The following PARD3 variants were observed in gnomAD, a reference collection of about 807,000 sequenced individuals.
The protein encoded by PARD3 is par-3 family cell polarity regulator.
In PARD3, 75 loss-of-function variants were observed where a neutral mutation model predicts 155.4. The observed-to-expected ratio is 0.48, with a 90% confidence interval of 0.40 to 0.58. PARD3 has a LOEUF of 0.58. PARD3 is among the 20% of genes least tolerant of loss of function. The pLI is 0.00. For missense variants in PARD3, 1,642 were observed against 1,721.7 expected (o/e 0.95, Z 0.82); for synonymous variants, 576 against 610.5 (o/e 0.94, Z 0.83).
intron 22 of PARD3, among the ~76,000 whole-genome samples, chr10:34,174,227 A>G (rs1180761971): frequency 6.6e-6 from 1 of 152,218 alleles, no homozygotes; most frequent in Admixed American, 6.5e-5. Flanking sequence ...GAAAGATACT[A>G]CCATCATAAA....
intron 22 of PARD3, among the ~76,000 whole-genome samples, chr10:34,138,841 C>T (rs1753584): frequency 0.49 from 74,060 of 151,762 alleles, 19,527 homozygotes; most frequent in Non-Finnish European, 0.6. Context: ...CACACCTGCA[C>T]TTGGCATCCA....
At chr10:34,495,236 C>T (rs1477864486) in intron 3 of PARD3, among the ~76,000 whole-genome samples, 4 of 151,974 alleles carry the variant, frequency 2.6e-5, no homozygotes, top group East Asian at 1.9e-4. Flanking sequence ...GTTCTGGCAT[C>T]CTACTGCAGA....
At chr10:34,307,433 G>C (rs901217118) in intron 20 of PARD3, among the ~76,000 whole-genome samples, 1 of 152,234 alleles carries the variant, frequency 6.6e-6, no homozygotes, top group Non-Finnish European at 1.5e-5. Context: ...GCTGCCTCTC[G>C]ACCTGAAATG....
chr10:34,529,396 T>G (rs2082687429), intron 2 of PARD3, among the ~76,000 whole-genome samples: 2 of 152,336 alleles, frequency 1.3e-5, no homozygotes, highest in South Asian at 2.1e-4. Flanking sequence ...TAGCATGGAA[T>G]AGCTGGATCA....
intron 2 of PARD3, among the ~76,000 whole-genome samples, chr10:34,661,761 G>A (rs2093331438): frequency 6.6e-6 from 1 of 152,072 alleles, no homozygotes; most frequent in South Asian, 2.1e-4. Flanking sequence ...ATCAAATGTT[G>A]GGCAAAACAG....
At chr10:34,227,851 ATTTTT>A (rs995113507) in intron 22 of PARD3, among the ~76,000 whole-genome samples, 1 of 32,798 alleles carries the variant, frequency 3.0e-5, no homozygotes, top group African/African-American at 1.1e-4. Context: ...AATGGGAATT[ATTTTT>A]TATATATATA....
chr10:34,384,187 C>A lies in PARD3; in HGVS notation c.958G>T (p.Glu320Ter). The A allele has an allele frequency of 6.2e-7, 1 of 1,613,794 alleles. No individual in the cohort carries two copies. The highest frequency in any genetic ancestry group is 8.5e-7 in the Non-Finnish European group (1 of 1,179,832). The change falls in exon 8 of 25, where the codon GAG becomes TAG. Residue 320 changes from glutamate to a stop codon, truncating the protein, a stop_gained. Coordinates refer to ENST00000374788, the MANE Select transcript of PARD3 (RefSeq NM_001184785.2). LOFTEE classifies it high-confidence loss of function. ...GKAEHENLFR[E>*]NDCIVRINDG... The stretch of plus-strand genomic sequence containing the variant: ...TTAATCCTGACAATGCAATCATTCT[C>A]ACGAAAAAGATTTTCATGTTCAGCT...
chr10:34,551,970 T>C (rs1307027109), intron 2 of PARD3, among the ~76,000 whole-genome samples: 1 of 152,188 alleles, frequency 6.6e-6, no homozygotes, highest in African/African-American at 2.4e-5. Context: ...CACAAAAAAG[T>C]ACTACCCAAG....
intron 20 of PARD3, among the ~76,000 whole-genome samples, chr10:34,294,010 ACATC>A (rs1956791307): frequency 6.6e-6 from 1 of 152,226 alleles, no homozygotes; most frequent in Non-Finnish European, 1.5e-5. Context: ...TCACAAAAAC[ACATC>A]CATTTAAAAG....
At chr10:34,253,627 G>A (rs537097470) in intron 22 of PARD3, among the ~76,000 whole-genome samples, 41 of 152,308 alleles carry the variant, frequency 2.7e-4, no homozygotes, top group African/African-American at 9.4e-4. Context: ...AGGACACCAT[G>A]AGTGTAGAGG....
chr10:34,714,400 T>TA (rs937449775), intron 1 of PARD3, among the ~76,000 whole-genome samples: 2 of 152,218 alleles, frequency 1.3e-5, no homozygotes, highest in African/African-American at 4.8e-5. Flanking sequence ...TCTTTGGAGC[T>TA]ATGGACAAAC....
chr10:34,613,556 A>C (rs2091055171), intron 2 of PARD3, among the ~76,000 whole-genome samples: 2 of 152,188 alleles, frequency 1.3e-5, no homozygotes, highest in Non-Finnish European at 2.9e-5. Context: ...GCTTACAATT[A>C]ATCATAATTA....
chr10:34,325,178 C>G (rs961356510), intron 19 of PARD3, among the ~76,000 whole-genome samples: 13 of 151,994 alleles, frequency 8.6e-5, no homozygotes, highest in Admixed American at 7.9e-4. Context: ...CCTGGCTAAT[C>G]TTTGTATTTT....
At chr10:34,405,292 T>C (rs1050734979) in intron 5 of PARD3, among the ~76,000 whole-genome samples, 1 of 152,110 alleles carries the variant, frequency 6.6e-6, no homozygotes, top group Non-Finnish European at 1.5e-5. Flanking sequence ...ATAAATCTTT[T>C]AGGGCAATTA....
chr10:34,472,548 T>C (rs549493667), intron 3 of PARD3, among the ~76,000 whole-genome samples: 64 of 152,326 alleles, frequency 4.2e-4, no homozygotes. Context: ...ACAATGTTAT[T>C]ACTTAGACAC....
chr10:34,114,611 C>T (rs1946565154), intron 24 of PARD3, among the ~76,000 whole-genome samples: 2 of 152,146 alleles, frequency 1.3e-5, no homozygotes, highest in South Asian at 4.1e-4. Context: ...TCCCATAGTC[C>T]TGGGATTACA....
chr10:34,378,070 T>A lies in PARD3; in HGVS notation c.1436A>T (p.Asp479Val). The A allele has an allele frequency of 6.3e-7, 1 of 1,595,542 alleles. No homozygotes were observed. The highest frequency in any genetic ancestry group is 8.5e-7 in the Non-Finnish European group (1 of 1,172,698). ...TGGAGCTGAGCCACCTATTGTTACATCTCTGGAAGTGATGCTGAATCCCAA... is the reference window on the plus strand; with the variant it reads ...TGGAGCTGAGCCACCTATTGTTACAACTCTGGAAGTGATGCTGAATCCCAA... ...EGLGFSITSRDVTIGGSAPIY... is the reference protein window; with the variant it reads ...EGLGFSITSRVVTIGGSAPIY... Residue 479 changes from aspartate (D) to valine (V), a missense_variant, in exon 10 of 25, where the codon GAT (aspartate) becomes GTT (valine). Around this residue, in one of 3 missense-constraint regions of PARD3, gnomAD observed 1,529 missense variants for 1,587.3 expected, o/e 0.96. Coordinates refer to ENST00000374788, the MANE Select transcript of PARD3 (RefSeq NM_001184785.2).
At chr10:34,173,673 C>T (rs1475589336) in intron 22 of PARD3, among the ~76,000 whole-genome samples, 1 of 152,152 alleles carries the variant, frequency 6.6e-6, no homozygotes, top group East Asian at 1.9e-4. Context: ...CCTCCAACAT[C>T]CCAGCCATCA....
At chr10:34,592,632 C>T (rs1042333845) in intron 2 of PARD3, among the ~76,000 whole-genome samples, 8 of 152,090 alleles carry the variant, frequency 5.3e-5, no homozygotes, top group East Asian at 1.9e-4. Flanking sequence ...AAAAATTAGC[C>T]GAGCGTGGTG....
Sources: gnomAD v4.1 joint callset for allele counts (sites outside exome capture counted in the v4.1 genomes callset) on GRCh38, gnomAD v4.1.1 for gene constraint, gnomAD v4.1.1 regional missense constraint, MANE v1.5 for transcripts, NCBI Gene and HGNC (gene_info 2026-07-23, HGNC 2026-07-21) for gene names.